Variants in ABI2 observed in about 807,000 individuals in gnomAD.
ABI2 encodes the protein abl interactor 2.
Under a neutral mutation model 59.2 loss-of-function variants are expected in ABI2, and 25 were observed. That is an observed-to-expected ratio of 0.42 (90% CI 0.31 to 0.59). The LOEUF (loss-of-function observed/expected upper bound fraction) is 0.59. Ranked by LOEUF, ABI2 falls within the 20% of genes least tolerant of loss-of-function variation. ABI2 has a pLI of 0.14. For synonymous variants in ABI2, 213 were observed against 235.5 expected, an observed-to-expected ratio of 0.90 and a Z score of 0.87; for missense variants, 545 against 681.8, an observed-to-expected ratio of 0.80 and a Z score of 2.23.
In ABI2 at chr2:203,328,399, C is replaced by T; in HGVS notation, c.-116C>T. 1 of 823,956 alleles carries T rather than the reference C, an allele frequency of 1.2e-6. No individual in the cohort carries two copies. The highest frequency in any genetic ancestry group is 1.9e-6 in the Non-Finnish European group (1 of 513,754). 51.0% of individuals were successfully genotyped at this position (823,956 alleles called of 1,614,324 possible). Reference sequence around the variant, plus strand: ...CGCTGGGGCTGTTTCTCGCTCCTTCCGAGTTACCGCCGCCGTCGCCGCCGC... The same window carrying T: ...CGCTGGGGCTGTTTCTCGCTCCTTCTGAGTTACCGCCGCCGTCGCCGCCGC... On this transcript the variant is annotated 5_prime_UTR_variant, in exon 1 of 12. Transcript: ENST00000261018.
Position 203,424,827 on chromosome 2 carries a change from A to G in ABI2, c.1454-2350A>G, listed in dbSNP as rs143215682. Among the ~76,000 whole-genome samples the G allele has an allele frequency of 1.0e-3, 158 of 152,302 alleles. 1 individual carries two copies. Among genetic ancestry groups the G allele is most frequent in the African/African-American group, 3.6e-3 (150 of 41,572 alleles). Reference sequence around the variant, plus strand: ...AACTCTCAGCTCTCTACCATTATAAACAGTCTCTGGAATCATGTTAAGTGT... The same window carrying G: ...AACTCTCAGCTCTCTACCATTATAAGCAGTCTCTGGAATCATGTTAAGTGT... On this transcript the variant is annotated intron_variant, in intron 11 of 11. Coordinates refer to ENST00000261018, the MANE Select transcript of ABI2 (RefSeq NM_001375670.1).
chr2:203,372,343 C>T (rs1377616228), intron 2 of ABI2, among the ~76,000 whole-genome samples: 3 of 152,218 alleles, frequency 2.0e-5, no homozygotes, highest in Non-Finnish European at 4.4e-5. Context: ...TACACAGACA[C>T]GGCAACCATC....
intron 1 of ABI2, among the ~76,000 whole-genome samples, chr2:203,362,161 A>C (rs1022204452): frequency 1.3e-5 from 2 of 152,200 alleles, no homozygotes; most frequent in Non-Finnish European, 2.9e-5. Flanking sequence ...TCATATCCAC[A>C]GTTGTGGCAA....
intron 1 of ABI2, chr2:203,342,331 T>C (rs1433022834): frequency 1.0e-5 from 4 of 390,186 alleles, no homozygotes; most frequent in Non-Finnish European, 5.1e-6. Flanking sequence ...CTGCATATAA[T>C]ATGGGACTGT....
chr2:203,377,718 C>T (rs989469722), intron 2 of ABI2, among the ~76,000 whole-genome samples: 1 of 152,174 alleles, frequency 6.6e-6, no homozygotes, highest in African/African-American at 2.4e-5. Context: ...CCTGCCTGGG[C>T]AACATGGAAA....
At position 203,348,504 on chromosome 2, in the gene ABI2, T is replaced by C. The variant is rs554234072; in HGVS notation, c.118-18373T>C. Among the ~76,000 whole-genome samples the C allele has an allele frequency of 2.2e-4, 34 of 152,310 alleles. No individual in the cohort carries two copies. The Middle Eastern group carries it at 0.031, about 137-fold the overall frequency. ...TTTTCATATGGTCAGTTATATGTTA[T>C]ATGTCGACAAGATAATTAAAAGTAG... On this transcript the variant is annotated intron_variant, in intron 1 of 11. Coordinates refer to ENST00000261018, the MANE Select transcript of ABI2 (RefSeq NM_001375670.1).
At chr2:203,345,750 T>C (rs2083027878) in intron 1 of ABI2, among the ~76,000 whole-genome samples, 1 of 151,718 alleles carries the variant, frequency 6.6e-6, no homozygotes, top group African/African-American at 2.4e-5. Flanking sequence ...TTCACCACAT[T>C]GGCCAGGCTG....
At chr2:203,339,339 G>A (rs931174291) in intron 1 of ABI2, among the ~76,000 whole-genome samples, 6 of 151,790 alleles carry the variant, frequency 4.0e-5, no homozygotes, top group Admixed American at 2.6e-4. Flanking sequence ...CAGCACTTTG[G>A]GAGGCCGAGG....
intron 8 of ABI2, among the ~76,000 whole-genome samples, chr2:203,401,089 C>T (rs115333251): frequency 1.8e-3 from 280 of 152,242 alleles, no homozygotes; most frequent in African/African-American, 6.6e-3. Context: ...TCTGTTCCTC[C>T]AGTCCCCCCT....
chr2:203,353,041 C>G (rs576324290), intron 1 of ABI2, among the ~76,000 whole-genome samples: 2 of 152,120 alleles, frequency 1.3e-5, no homozygotes, highest in Non-Finnish European at 2.9e-5. Context: ...TCTAGATTTG[C>G]GAAGTTTACT....
intron 1 of ABI2, among the ~76,000 whole-genome samples, chr2:203,362,473 T>C (rs1337575050): frequency 6.6e-6 from 1 of 152,138 alleles, no homozygotes; most frequent in Non-Finnish European, 1.5e-5. Context: ...ATTTTAAATA[T>C]TGAGTTTTAC....
At chr2:203,423,247 A>G (rs968396289) in intron 11 of ABI2, among the ~76,000 whole-genome samples, 4 of 152,348 alleles carry the variant, frequency 2.6e-5, no homozygotes, top group South Asian at 2.1e-4. Flanking sequence ...GTGTAACTGA[A>G]TAATATAGAA....
chr2:203,420,246 T>C (rs1238564740), intron 11 of ABI2, among the ~76,000 whole-genome samples: 1 of 152,200 alleles, frequency 6.6e-6, no homozygotes, highest in East Asian at 1.9e-4. Context: ...TGGAAAACTT[T>C]TTTACTGCCC....
intron 4 of ABI2, among the ~76,000 whole-genome samples, chr2:203,390,796 G>A (rs1416673270): frequency 6.6e-6 from 1 of 152,126 alleles, no homozygotes; most frequent in Non-Finnish European, 1.5e-5. Flanking sequence ...TTGGTGTGAT[G>A]GCCTAATGGC....
Position 203,427,468 on chromosome 2 carries a change from A to T in ABI2, c.*116A>T. 5 of 1,027,982 alleles carry T rather than the reference A, an allele frequency of 4.9e-6. No homozygotes were observed. Among genetic ancestry groups the T allele is most frequent in the Non-Finnish European group, 6.8e-6 (5 of 736,870 alleles). 63.7% of individuals were successfully genotyped at this position (1,027,982 alleles called of 1,614,324 possible). A position where few individuals can be genotyped will look rare whatever the true frequency, so the allele number is the denominator to read the frequency against. Reference sequence around the variant, plus strand: ...ATGAAGGATACAAATGATAAAAATTACACTTTTTTTTTTGGTTTATTCCCC... The same window carrying T: ...ATGAAGGATACAAATGATAAAAATTTCACTTTTTTTTTTGGTTTATTCCCC... On this transcript the variant is annotated 3_prime_UTR_variant, in exon 12 of 12. Transcript: ENST00000261018.
intron 2 of ABI2, among the ~76,000 whole-genome samples, chr2:203,368,059 G>A (rs1446831466): frequency 6.6e-6 from 1 of 152,002 alleles, no homozygotes; most frequent in Non-Finnish European, 1.5e-5. Context: ...TATAGAATAG[G>A]TATAAAATTT....
intron 11 of ABI2, among the ~76,000 whole-genome samples, chr2:203,421,478 G>C (rs778663637): frequency 9.9e-5 from 15 of 152,148 alleles, no homozygotes; most frequent in Non-Finnish European, 1.8e-4. Context: ...TTACTCAGTG[G>C]AGTAATTCTT....
chr2:203,410,109 C>G (rs916492041), intron 9 of ABI2, among the ~76,000 whole-genome samples: 5 of 152,160 alleles, frequency 3.3e-5, no homozygotes, highest in African/African-American at 1.2e-4. Context: ...TTTCTCAACC[C>G]CTGTCAGCTT....
At chr2:203,366,181 T>A (rs1193326884) in intron 1 of ABI2, among the ~76,000 whole-genome samples, 1 of 152,054 alleles carries the variant, frequency 6.6e-6, no homozygotes, top group Non-Finnish European at 1.5e-5. Flanking sequence ...TAGCTGGGCC[T>A]GGTGGCTCAT....
Sources: gnomAD v4.1 joint callset for allele counts (sites outside exome capture counted in the v4.1 genomes callset) on GRCh38, gnomAD v4.1.1 for gene constraint, MANE v1.5 for transcripts, NCBI Gene and HGNC (gene_info 2026-07-23, HGNC 2026-07-21) for gene names.